Variants in PRKD1 observed in about 807,000 individuals in gnomAD.
PRKD1 encodes protein kinase D1.
A neutral mutation model predicts 95.9 loss-of-function variants in PRKD1; 63 were observed. The observed-to-expected ratio is 0.66, with a 90% CI of 0.54 to 0.81. PRKD1 has a LOEUF of 0.81. Ranked by LOEUF, PRKD1 falls within the 30% of genes least tolerant of loss-of-function variation. The probability of loss-of-function intolerance (pLI) is 0.00; values close to 1 mark genes in which losing one functional copy is unlikely to be tolerated. For missense variants in PRKD1, 1,048 were observed against 1,165.3 expected (o/e 0.90, Z 1.47); for synonymous variants, 425 against 423.1 (o/e 1.00, Z -0.05).
chr14:29,693,376 T>C (rs1414598185), intron 2 of PRKD1, among the ~76,000 whole-genome samples: 2 of 152,054 alleles, frequency 1.3e-5, no homozygotes, highest in East Asian at 3.9e-4. Context: ...TATCAGTCCA[T>C]TTATTTCCCT....
chr14:29,698,946 C>T (rs1196946939), intron 2 of PRKD1, among the ~76,000 whole-genome samples: 1 of 151,990 alleles, frequency 6.6e-6, no homozygotes, highest in African/African-American at 2.4e-5. Flanking sequence ...TAGCCTTTGA[C>T]AAGGTGCGAT....
intron 1 of PRKD1, among the ~76,000 whole-genome samples, chr14:29,784,643 G>T (rs1889188017): frequency 6.6e-6 from 1 of 152,072 alleles, no homozygotes; most frequent in Non-Finnish European, 1.5e-5. Flanking sequence ...ATGTCCCTTT[G>T]TCAACTAAGA....
chr14:29,734,393 G>A (rs1456751482), intron 1 of PRKD1, among the ~76,000 whole-genome samples: 1 of 152,038 alleles, frequency 6.6e-6, no homozygotes, highest in Non-Finnish European at 1.5e-5. Flanking sequence ...ATTAATATGA[G>A]CAGTTGGACT....
chr14:29,685,375 T>C (rs1883796919), intron 2 of PRKD1, among the ~76,000 whole-genome samples: 1 of 152,226 alleles, frequency 6.6e-6, no homozygotes, highest in Non-Finnish European at 1.5e-5. Context: ...TTTCATCATC[T>C]GCAGGGAAGC....
intron 13 of PRKD1, among the ~76,000 whole-genome samples, chr14:29,609,721 T>A (rs796668205): frequency 2.7e-5 from 4 of 148,226 alleles, no homozygotes; most frequent in African/African-American, 7.4e-5. Context: ...TTTATTTTTT[T>A]TTTTTTTTTG....
intron 1 of PRKD1, among the ~76,000 whole-genome samples, chr14:29,748,630 T>C (rs1027128832): frequency 1.3e-5 from 2 of 152,190 alleles, no homozygotes; most frequent in African/African-American, 4.8e-5. Flanking sequence ...TTTCCCTCAG[T>C]GTAAGCTTCC....
At chr14:29,623,056 T>C (rs1371700138) in intron 13 of PRKD1, among the ~76,000 whole-genome samples, 1 of 152,212 alleles carries the variant, frequency 6.6e-6, no homozygotes, top group Non-Finnish European at 1.5e-5. Context: ...ATGTTGCCAG[T>C]TGTTTGTAAC....
intron 1 of PRKD1, among the ~76,000 whole-genome samples, chr14:29,758,977 G>A (rs1436603632): frequency 6.6e-6 from 1 of 152,192 alleles, no homozygotes; most frequent in Non-Finnish European, 1.5e-5. Flanking sequence ...AATTTATTGT[G>A]TTTCATATAT....
chr14:29,864,719 T>C (rs1892826503), intron 1 of PRKD1, among the ~76,000 whole-genome samples: 1 of 151,980 alleles, frequency 6.6e-6, no homozygotes, highest in Non-Finnish European at 1.5e-5. Context: ...GATGACTTTG[T>C]AAAGAAGTAA....
Position 29,760,442 on chromosome 14 carries a change from G to A in PRKD1, c.265-34768C>T, listed in dbSNP as rs1042540048. On this transcript the variant is annotated intron_variant, in intron 1 of 17. Transcript: ENST00000331968. ...ACGATCTGGGCTCACTGCAACCTCC[G>A]CCTCCTGGGTACAAGCGATTCTCCC... 9.8e-5 allele frequency among the ~76,000 whole-genome samples: 14 copies of A among 143,430 alleles called. No individual in the cohort carries two copies. In the East Asian group the frequency reaches 2.6e-3, roughly 26 times the overall value. 94.1% of individuals were successfully genotyped at this position (143,430 alleles called of 152,430 possible). A position where few individuals can be genotyped will look rare whatever the true frequency, so the allele number is the denominator to read the frequency against.
At chr14:29,913,114 T>A (rs943856087) in intron 1 of PRKD1, among the ~76,000 whole-genome samples, 1 of 152,230 alleles carries the variant, frequency 6.6e-6, no homozygotes, top group Admixed American at 6.5e-5. Flanking sequence ...GTCTTTTCAT[T>A]TTTAAGTTAT....
At chr14:29,716,024 C>A (rs997803368) in intron 2 of PRKD1, among the ~76,000 whole-genome samples, 1 of 152,094 alleles carries the variant, frequency 6.6e-6, no homozygotes, top group Non-Finnish European at 1.5e-5. Context: ...ATAAATTAGA[C>A]CAGACCGTTA....
chr14:29,609,698 G>T (rs1051693146), intron 13 of PRKD1, among the ~76,000 whole-genome samples: 1 of 138,034 alleles, frequency 7.2e-6, no homozygotes, highest in Non-Finnish European at 1.5e-5. Flanking sequence ...GCACCACCAC[G>T]CCCAGCTATT....
At chr14:29,587,803 T>C (rs1026780806) in intron 16 of PRKD1, among the ~76,000 whole-genome samples, 13 of 152,230 alleles carry the variant, frequency 8.5e-5, no homozygotes, top group Non-Finnish European at 4.4e-5. Flanking sequence ...GAAAGTTCCT[T>C]CTTATTGTAT....
intron 2 of PRKD1, among the ~76,000 whole-genome samples, chr14:29,683,459 A>G (rs1883651179): frequency 6.6e-6 from 1 of 152,184 alleles, no homozygotes; most frequent in Admixed American, 6.5e-5. Context: ...GCAGATGGCT[A>G]AAAATGTAAT....
chr14:29,619,080 CT>C (rs1879068539), intron 13 of PRKD1, among the ~76,000 whole-genome samples: 2 of 152,104 alleles, frequency 1.3e-5, no homozygotes, highest in Non-Finnish European at 2.9e-5. Flanking sequence ...CTGGATATTG[CT>C]TTTATATGCA....
Position 29,663,866 on chromosome 14 carries a change from A to G in PRKD1, c.536-7T>C. 1 of 1,610,918 alleles carries G rather than the reference A, an allele frequency of 6.2e-7. No homozygotes were observed. The highest frequency in any genetic ancestry group is 8.5e-7 in the Non-Finnish European group (1 of 1,177,660). ...TGGTAATTCAGACCACACCCTGGAAAGGGAAAATAAAAATTATTTTTATTG... is the reference window on the plus strand; with the variant it reads ...TGGTAATTCAGACCACACCCTGGAAGGGGAAAATAAAAATTATTTTTATTG... On this transcript the variant is annotated splice_polypyrimidine_tract_variant and splice_region_variant and intron_variant, in intron 3 of 17. Coordinates refer to ENST00000331968, the MANE Select transcript of PRKD1 (RefSeq NM_002742.3).
At position 29,927,736 on chromosome 14, in the gene PRKD1, G is replaced by C. The variant is rs1313727829; in HGVS notation, c.-224C>G. ...GGGGAGGAGGGAAAATGGCCGAGGC[G>C]GGAGGACTCTGAGGCCCGGAACGCG... On this transcript the variant is annotated 5_prime_UTR_variant, in exon 1 of 18. Transcript: ENST00000331968. The C allele has an allele frequency of 1.5e-5, 3 of 198,674 alleles. No individual in the cohort carries two copies. Among genetic ancestry groups the C allele is most frequent in the South Asian group, 1.8e-4 (1 of 5,414 alleles). 12.3% of individuals were successfully genotyped at this position (198,674 alleles called of 1,614,324 possible). A position where few individuals can be genotyped will look rare whatever the true frequency, so the allele number is the denominator to read the frequency against.
At chr14:29,717,996 G>A (rs1034961466) in intron 2 of PRKD1, among the ~76,000 whole-genome samples, 2 of 152,126 alleles carry the variant, frequency 1.3e-5, no homozygotes, top group African/African-American at 4.8e-5. Context: ...ATCAAAGTGA[G>A]GAAGAAGTGC....
Sources: gnomAD v4.1 joint callset for allele counts (sites outside exome capture counted in the v4.1 genomes callset) on GRCh38, gnomAD v4.1.1 for gene constraint, MANE v1.5 for transcripts, NCBI Gene and HGNC (gene_info 2026-07-23, HGNC 2026-07-21) for gene names.